The following MYO5A variants were observed in gnomAD, a reference collection of about 807,000 sequenced individuals.
MYO5A encodes unconventional myosin-Va.
In MYO5A, 98 loss-of-function variants were observed where a neutral mutation model predicts 249.7. That is an observed-to-expected ratio of 0.39 (90% CI 0.33 to 0.46). MYO5A has a LOEUF of 0.46. Ranked by LOEUF, MYO5A falls within the 20% of genes least tolerant of loss-of-function variation. MYO5A has a pLI of 0.98. For missense variants in MYO5A, 1,696 were observed against 2,308.8 expected (o/e 0.73, Z 5.44); for synonymous variants, 778 against 810.6 (o/e 0.96, Z 0.68).
chr15:52,479,165 A>G (rs1299884697), intron 1 of MYO5A, among the ~76,000 whole-genome samples: 1 of 151,856 alleles, frequency 6.6e-6, no homozygotes, highest in Non-Finnish European at 1.5e-5. Flanking sequence ...TTTAGTAGAG[A>G]TAGAGTTTTA....
chr15:52,482,408 C>A (rs1219176582), intron 1 of MYO5A, among the ~76,000 whole-genome samples: 2 of 152,120 alleles, frequency 1.3e-5, no homozygotes, highest in African/African-American at 2.4e-5. Context: ...ATAGCCAGAG[C>A]TGGGAAAAAG....
chr15:52,509,814 T>C lies in MYO5A; in HGVS notation c.27+18966A>G, dbSNP rs116397908. ...TCACGTTGAAATCAGAGGCATCAGA[T>C]GAGGACTTAAGATGGATCAATAGCT... is the stretch of plus-strand genomic sequence containing the variant. On this transcript the variant is annotated intron_variant, in intron 1 of 41. Coordinates refer to ENST00000399233, the MANE Select transcript of MYO5A (RefSeq NM_001382347.1). 2.9e-3 allele frequency among the ~76,000 whole-genome samples: 435 copies of C among 152,116 alleles called. 1 individual carries two copies. The highest frequency in any genetic ancestry group is 9.9e-3 in the African/African-American group (409 of 41,478).
At chr15:52,398,477 G>A (rs1043929868) in intron 9 of MYO5A, among the ~76,000 whole-genome samples, 1 of 152,170 alleles carries the variant, frequency 6.6e-6, no homozygotes, top group Non-Finnish European at 1.5e-5. Context: ...CAAATAGCTT[G>A]TCAAAAATCA....
chr15:52,454,071 C>G (rs1017171413), intron 1 of MYO5A, among the ~76,000 whole-genome samples: 1 of 151,792 alleles, frequency 6.6e-6, no homozygotes, highest in African/African-American at 2.4e-5. Flanking sequence ...TATAGAGTGG[C>G]TAAATCAAAA....
intron 1 of MYO5A, among the ~76,000 whole-genome samples, chr15:52,493,133 G>C (rs1214789702): frequency 6.6e-6 from 1 of 152,174 alleles, no homozygotes; most frequent in Admixed American, 6.5e-5. Flanking sequence ...GATAGAGATA[G>C]AAAAGGTAGC....
chr15:52,372,770 A>C (rs1349254088), intron 20 of MYO5A, among the ~76,000 whole-genome samples: 1 of 152,140 alleles, frequency 6.6e-6, no homozygotes, highest in Admixed American at 6.6e-5. Flanking sequence ...TCCTCTATAA[A>C]ATTAACAGAA....
intron 36 of MYO5A, among the ~76,000 whole-genome samples, chr15:52,325,408 CTT>C (rs1209313890): frequency 1.7e-4 from 24 of 139,380 alleles, no homozygotes; most frequent in Admixed American, 2.1e-4. Context: ...AAGCCCCCCA[CTT>C]TTTTTTTTTT....
intron 11 of MYO5A, among the ~76,000 whole-genome samples, chr15:52,392,903 T>C (rs2141170335): frequency 6.6e-6 from 1 of 152,302 alleles, no homozygotes; most frequent in East Asian, 1.9e-4. Context: ...ACGTGAACTA[T>C]AAGAGCAAGA....
intron 1 of MYO5A, among the ~76,000 whole-genome samples, chr15:52,440,936 T>C (rs757958710): frequency 1.1e-4 from 16 of 152,222 alleles, no homozygotes; most frequent in Non-Finnish European, 2.2e-4. Context: ...TCACTTTCGA[T>C]AGCCCATTGT....
At position 52,364,710 on chromosome 15, in the gene MYO5A, T is replaced by TA; in HGVS notation, c.3161-9dup. The TA allele has an allele frequency of 6.2e-7, 1 of 1,613,164 alleles. No individual in the cohort carries two copies. Among genetic ancestry groups the TA allele is most frequent in the Non-Finnish European group, 8.5e-7 (1 of 1,179,668 alleles). On this transcript the variant is annotated splice_polypyrimidine_tract_variant and intron_variant, in intron 23 of 41. Coordinates refer to ENST00000399233, the MANE Select transcript of MYO5A (RefSeq NM_001382347.1). ...ACTTCTTCTCCATAGTTTCTGAAATTAAAAAAAGGATATGCATACTAAAGA... is the reference window on the plus strand; with the variant it reads ...ACTTCTTCTCCATAGTTTCTGAAATTAAAAAAAAGGATATGCATACTAAAGA...
chr15:52,348,012 T>C (rs1004986784), intron 29 of MYO5A, among the ~76,000 whole-genome samples: 3 of 152,232 alleles, frequency 2.0e-5, no homozygotes, highest in Non-Finnish European at 4.4e-5. Context: ...CATGGTATGG[T>C]TGTGAACTTT....
rs1224153773 is a variant in MYO5A at position 52,312,761 on chromosome 15, A to T, written c.*935T>A. ...AGTTAAAAATAAGTCACTTCACAGA[A>T]CACTGTACCCTGACGCAATATCCAC... On this transcript the variant is annotated 3_prime_UTR_variant, in exon 42 of 42. Coordinates refer to ENST00000399233, the MANE Select transcript of MYO5A (RefSeq NM_001382347.1). 1 of 152,234 alleles carries T rather than the reference A, an allele frequency of 6.6e-6. No homozygotes were observed. Among genetic ancestry groups the T allele is most frequent in the Non-Finnish European group, 1.5e-5 (1 of 68,048 alleles). The allele number at this position is 152,234 out of a possible 1,614,324, so 9.4% of individuals were successfully genotyped here.
intron 1 of MYO5A, among the ~76,000 whole-genome samples, chr15:52,474,851 T>C (rs1224230692): frequency 6.6e-6 from 1 of 152,000 alleles, no homozygotes; most frequent in Non-Finnish European, 1.5e-5. Context: ...TAAAATTCTT[T>C]TTTTGTTGTG....
Position 52,379,678 on chromosome 15 carries a change from C to T in MYO5A, c.2155G>A (p.Val719Met), listed in dbSNP as rs1168921931. 2.5e-6 allele frequency: 4 copies of T among 1,614,202 alleles called. No homozygotes were observed. Among genetic ancestry groups the T allele is most frequent in the Non-Finnish European group, 3.4e-6 (4 of 1,180,018 alleles). Residue 719 changes from valine (V) to methionine (M), a missense_variant, in exon 18 of 42, where the codon GTG becomes ATG. By Grantham distance (21) the Val-to-Met change is conservative. Transcript: ENST00000399233. ...RYRVLMKQKD[V>M]LSDRKQTCKN... is the part of the protein sequence containing the mutation. Reference sequence around the variant, plus strand: ...CATGTTTGCTTTCTGTCACTCAGCACATCTTTCTGCTTCATTAGGACACGG... The same window carrying T: ...CATGTTTGCTTTCTGTCACTCAGCATATCTTTCTGCTTCATTAGGACACGG...
chr15:52,376,249 G>A (rs565391878), intron 19 of MYO5A, 98 bp downstream of exon 19: 2 of 1,099,544 alleles, frequency 1.8e-6, no homozygotes, highest in African/African-American at 3.1e-5. Context: ...CTAAGAAAAG[G>A]TGAGGTGTTA....
intron 1 of MYO5A, chr15:52,435,527 T>G (rs961592132): frequency 2.5e-6 from 1 of 401,746 alleles, no homozygotes; most frequent in Admixed American, 3.2e-5. Flanking sequence ...TCCACCCGCC[T>G]TGGCCTCTCA....
intron 31 of MYO5A, 66 bp downstream of exon 31, chr15:52,343,051 G>C: frequency 1.6e-6 from 2 of 1,288,656 alleles, no homozygotes; most frequent in Non-Finnish European, 2.3e-6. Context: ...GTGAAAGTCA[G>C]GAGGTCACTG....
intron 23 of MYO5A, among the ~76,000 whole-genome samples, chr15:52,366,629 C>CAAAAAAAAAAAAA (rs60631867): frequency 8.0e-5 from 6 of 74,550 alleles, no homozygotes; most frequent in Non-Finnish European, 1.5e-4. Flanking sequence ...ATTGATTTAG[C>CAAAAAAAAAAAAA]AAAAAAAAAA....
chr15:52,346,485 C>A (rs770719692), intron 29 of MYO5A, 24 bp from the exon 30 acceptor site: 2 of 1,406,774 alleles, frequency 1.4e-6, no homozygotes, highest in Non-Finnish European at 2.0e-6. Flanking sequence ...AACACATTTA[C>A]GCATTAAGAT....
Sources: gnomAD v4.1 joint callset for allele counts (sites outside exome capture counted in the v4.1 genomes callset) on GRCh38, gnomAD v4.1.1 for gene constraint, MANE v1.5 for transcripts, NCBI Gene and HGNC (gene_info 2026-07-23, HGNC 2026-07-21) for gene names.